Variants in KLF17 observed in about 807,000 individuals in gnomAD.
KLF17 encodes Krueppel-like factor 17.
In KLF17, 31 loss-of-function variants were observed where a neutral mutation model predicts 34.2. That is an observed-to-expected ratio of 0.91 (90% CI 0.68 to 1.22). KLF17 has a LOEUF of 1.22. KLF17 is among the 50% of genes most tolerant of loss of function. The pLI is 0.00. For missense variants in KLF17, 478 were observed against 505.2 expected (o/e 0.95, Z 0.52); for synonymous variants, 179 against 186.7 (o/e 0.96, Z 0.34).
chr1:44,083,920 A>G, the KLF17 span, among the ~76,000 whole-genome samples: 1 of 152,100 alleles, frequency 6.6e-6, no homozygotes. Context: ...CCTCTCTAGG[A>G]AAGTTCAAGT....
rs865917192 is a variant in KLF17 at position 44,122,790 on chromosome 1, G to C, written c.81+3802G>C. 1.1e-4 allele frequency among the ~76,000 whole-genome samples: 17 copies of C among 152,190 alleles called. No individual in the cohort carries two copies. In the Middle Eastern group the frequency reaches 0.014, roughly 122 times the overall value. On this transcript the variant is annotated intron_variant, in intron 1 of 3. Transcript: ENST00000372299. The stretch of plus-strand genomic sequence containing the variant: ...TTTTTTGTATTTTTAGTAGAGACAG[G>C]GTTTTGCCATGTTGGCCAGGCTGGT...
chr1:44,112,122 C>G, the KLF17 span, among the ~76,000 whole-genome samples: 1 of 152,176 alleles, frequency 6.6e-6, no homozygotes, highest in South Asian at 2.1e-4. Flanking sequence ...ACCATACCAA[C>G]ATGTATTTAT....
At chr1:44,080,399 T>C in the KLF17 span, among the ~76,000 whole-genome samples, 3 of 151,498 alleles carry the variant, frequency 2.0e-5, no homozygotes, top group Non-Finnish European at 2.9e-5. Context: ...CCACCACCCC[T>C]GGCTAATTTT....
chr1:44,122,359 G>A, intron 1 of KLF17: 3 of 1,607,238 alleles, frequency 1.9e-6, no homozygotes, highest in Non-Finnish European at 2.6e-6. Context: ...AGCTGTACAG[G>A]TTCTCTGTTC....
the KLF17 span, among the ~76,000 whole-genome samples, chr1:44,074,648 C>T: frequency 6.6e-6 from 1 of 152,174 alleles, no homozygotes; most frequent in Non-Finnish European, 1.5e-5. Context: ...ATTTCACGAA[C>T]CAGCACTATT....
the KLF17 span, among the ~76,000 whole-genome samples, chr1:44,049,664 G>T: frequency 1.3e-5 from 2 of 152,092 alleles, no homozygotes; most frequent in East Asian, 3.9e-4. Flanking sequence ...TGTATTGTTT[G>T]TAGGGATGGG....
Position 44,130,768 on chromosome 1 carries a change from C to G in KLF17, c.*12C>G, listed in dbSNP as rs754214506. On this transcript the variant is annotated intron_variant, in intron 3 of 3. Coordinates refer to ENST00000372299, the MANE Select transcript of KLF17 (RefSeq NM_173484.4). The stretch of plus-strand genomic sequence containing the variant: ...CTGCTGGTCCTTAGGTCAGTCTCCT[C>G]TCCTCATTCTGGGTTTTCTTTTTCC... 4.3e-6 allele frequency: 7 copies of G among 1,612,094 alleles called. No homozygotes were observed. In the East Asian group the frequency reaches 1.3e-4, roughly 31 times the overall value.
At chr1:44,057,193 C>T in the KLF17 span, among the ~76,000 whole-genome samples, 210 of 152,120 alleles carry the variant, frequency 1.4e-3, no homozygotes, top group African/African-American at 5.0e-3. Context: ...GCTTTGCCTC[C>T]CTAGACTTCC....
At chr1:44,060,337 G>A in the KLF17 span, among the ~76,000 whole-genome samples, 8 of 152,142 alleles carry the variant, frequency 5.3e-5, no homozygotes, top group East Asian at 3.9e-4. Flanking sequence ...GCGTGGTGGC[G>A]AGTACCTGTA....
chr1:44,116,441 T>C (rs1046367344), upstream of KLF17, among the ~76,000 whole-genome samples: 2 of 152,238 alleles, frequency 1.3e-5, no homozygotes, highest in Non-Finnish European at 2.9e-5. Context: ...TCTGTTTCTA[T>C]ATCAGTTTCT....
chr1:44,059,717 C>T, the KLF17 span, among the ~76,000 whole-genome samples: 1 of 152,032 alleles, frequency 6.6e-6, no homozygotes, highest in African/African-American at 2.4e-5. Context: ...ATCTCCAATG[C>T]ACTAATGATT....
At chr1:44,086,637 G>A in the KLF17 span, among the ~76,000 whole-genome samples, 1 of 152,176 alleles carries the variant, frequency 6.6e-6, no homozygotes, top group Non-Finnish European at 1.5e-5. Context: ...CATCCTGATG[G>A]TGATTATCCA....
the KLF17 span, among the ~76,000 whole-genome samples, chr1:44,065,114 C>T: frequency 7.2e-5 from 11 of 151,926 alleles, no homozygotes; most frequent in African/African-American, 2.7e-4. Context: ...TGGTGAAACC[C>T]CGTCTCTACT....
the KLF17 span, among the ~76,000 whole-genome samples, chr1:44,095,120 C>T: frequency 2.6e-5 from 4 of 151,598 alleles, no homozygotes; most frequent in East Asian, 7.7e-4. Context: ...CCAGGATGGT[C>T]TCAACCTCCT....
chr1:44,086,506 AAAAT>A, the KLF17 span, among the ~76,000 whole-genome samples: 1 of 135,558 alleles, frequency 7.4e-6, no homozygotes, highest in Non-Finnish European at 1.6e-5. Context: ...TAAATAAATA[AAAAT>A]AAATTAAAAG....
upstream of KLF17, chr1:44,117,125 G>A (rs1186417840): frequency 2.0e-5 from 3 of 151,890 alleles, no homozygotes; most frequent in African/African-American, 7.3e-5. Flanking sequence ...ATGTTGCCAA[G>A]GTTGGAGTGC....
the KLF17 span, among the ~76,000 whole-genome samples, chr1:44,058,507 T>C: frequency 6.6e-6 from 1 of 152,020 alleles, no homozygotes; most frequent in Non-Finnish European, 1.5e-5. Flanking sequence ...GTCAGGCTGG[T>C]CTCGAACTCC....
rs746750521 is a variant in KLF17, at chr1:44,130,700, C to A, written c.1114C>A (p.Pro372Thr). ...GACTCATCGGCCGGGACCCTCAGAC[C>A]CACAGGCCAACAACAACAATGGAGA... ...QKTHRPGPSDPQANNNNGEQD... is the reference protein window; with the variant it reads ...QKTHRPGPSDTQANNNNGEQD... Residue 372 changes from proline (P) to threonine (T), a missense_variant, in exon 3 of 4, where the codon CCA becomes ACA. Transcript: ENST00000372299. 4 of 1,608,384 alleles carry A rather than the reference C, an allele frequency of 2.5e-6. No homozygotes were observed. The highest frequency in any genetic ancestry group is 3.4e-6 in the Non-Finnish European group (4 of 1,177,726).
rs1388948519 is a variant in KLF17, at chr1:44,122,190, C to T, written c.81+3202C>T. 13 of 1,598,108 alleles carry T rather than the reference C, an allele frequency of 8.1e-6. No individual in the cohort carries two copies. The South Asian group carries it at 8.8e-5, about 11-fold the overall frequency. ...ACCCCCTCTTCCTCTGCCACGGCCA[C>T]GTCCTCTTCCTCTTCCTCTGCCTCT... is the stretch of plus-strand genomic sequence containing the variant. On this transcript the variant is annotated intron_variant, in intron 1 of 3. Transcript: ENST00000372299.
Sources: allele counts gnomAD v4.1 joint callset (sites outside exome capture counted in the v4.1 genomes callset), GRCh38; gene constraint gnomAD v4.1.1; transcripts MANE v1.5; gene names NCBI Gene and HGNC (gene_info 2026-07-23, HGNC 2026-07-21).